Variants in SPMIP6 observed in about 807,000 individuals in gnomAD.
SPMIP6 encodes sperm microtubule inner protein 6.
chr9:34,380,180 T>C, the SPMIP6 span, among the ~76,000 whole-genome samples: 8 of 152,242 alleles, frequency 5.3e-5, no homozygotes, highest in African/African-American at 1.9e-4. Context: ...GGGGGATCAC[T>C]ATGGACCCCC....
the SPMIP6 span, among the ~76,000 whole-genome samples, chr9:34,388,924 C>T: frequency 6.9e-5 from 8 of 115,656 alleles, no homozygotes; most frequent in African/African-American, 2.6e-4. Context: ...TTTCTTTCCT[C>T]TCTCTTTCTT....
the SPMIP6 span, chr9:34,381,052 G>A: frequency 1.2e-6 from 2 of 1,611,826 alleles, no homozygotes; most frequent in East Asian, 2.2e-5. This position sits in a 1 kb window ranked among gnomAD's most constrained non-coding sequence, Gnocchi z 4.4. Flanking sequence ...GCGGGTCCAC[G>A]CACCCGCATC....
chr9:34,380,401 G>C, the SPMIP6 span, among the ~76,000 whole-genome samples: 1 of 152,168 alleles, frequency 6.6e-6, no homozygotes, highest in Admixed American at 6.5e-5. Context: ...ACCATTTCCC[G>C]GCTCACGTAG....
chr9:34,380,134 C>T, the SPMIP6 span, among the ~76,000 whole-genome samples: 8 of 152,284 alleles, frequency 5.3e-5, no homozygotes, highest in African/African-American at 1.9e-4. Context: ...CTCAGTCTTG[C>T]ACAATGAATC....
the SPMIP6 span, chr9:34,379,729 A>C: frequency 8.1e-6 from 13 of 1,613,492 alleles, no homozygotes; most frequent in South Asian, 1.3e-4. The surrounding 1 kb of genome is among the most constrained non-coding windows in gnomAD (Gnocchi z 4.2). Flanking sequence ...AGGGAGGTAC[A>C]CATCTGGAGA....
the SPMIP6 span, chr9:34,381,323 A>C: frequency 6.2e-7 from 1 of 1,609,174 alleles, no homozygotes; most frequent in Non-Finnish European, 8.5e-7. This position sits in a 1 kb window ranked among gnomAD's most constrained non-coding sequence, Gnocchi z 4.4. Flanking sequence ...GGCCTTCCCC[A>C]ACCCTCTCCA....
chr9:34,381,059 C>T, the SPMIP6 span: 9 of 1,611,844 alleles, frequency 5.6e-6, no homozygotes, highest in Non-Finnish European at 5.9e-6. The surrounding 1 kb of genome is among the most constrained non-coding windows in gnomAD (Gnocchi z 4.4). Flanking sequence ...CACGCACCCG[C>T]ATCGGGGCGT....
At chr9:34,386,812 C>T in the SPMIP6 span, among the ~76,000 whole-genome samples, 4 of 152,156 alleles carry the variant, frequency 2.6e-5, no homozygotes, top group Non-Finnish European at 5.9e-5. Context: ...AGATCTGTGA[C>T]GCCTGGATCA....
the SPMIP6 span, among the ~76,000 whole-genome samples, chr9:34,386,756 C>A: frequency 1.3e-5 from 2 of 152,150 alleles, no homozygotes; most frequent in Non-Finnish European, 1.5e-5. Flanking sequence ...GGCCCCTGTG[C>A]TTTTTGGGGT....
At chr9:34,386,625 C>T in the SPMIP6 span, among the ~76,000 whole-genome samples, 1 of 152,022 alleles carries the variant, frequency 6.6e-6, no homozygotes, top group East Asian at 1.9e-4. Flanking sequence ...CTGACTGCAA[C>T]CTGGCCCTGA....
the SPMIP6 span, among the ~76,000 whole-genome samples, chr9:34,389,402 A>G: frequency 6.6e-6 from 1 of 152,196 alleles, no homozygotes; most frequent in African/African-American, 2.4e-5. Flanking sequence ...TGGATAACTC[A>G]TCTTCTTTAA....
chr9:34,387,721 T>C, the SPMIP6 span, among the ~76,000 whole-genome samples: 1 of 152,236 alleles, frequency 6.6e-6, no homozygotes, highest in African/African-American at 2.4e-5. Flanking sequence ...TCTGCTCCTG[T>C]TGATAAGTAG....
At chr9:34,386,491 G>T in the SPMIP6 span, among the ~76,000 whole-genome samples, 1 of 151,756 alleles carries the variant, frequency 6.6e-6, no homozygotes, top group Non-Finnish European at 1.5e-5. Flanking sequence ...CTACTCGGGA[G>T]GCTGAGGCAG....
At chr9:34,386,276 C>G in the SPMIP6 span, among the ~76,000 whole-genome samples, 9 of 152,070 alleles carry the variant, frequency 5.9e-5, no homozygotes, top group African/African-American at 2.2e-4. Flanking sequence ...AAATGAAGGA[C>G]AGTGCTGGAG....
the SPMIP6 span, among the ~76,000 whole-genome samples, chr9:34,387,029 GA>G: frequency 7.9e-5 from 10 of 126,312 alleles, no homozygotes; most frequent in African/African-American, 1.2e-4. Context: ...TGATCCTTAT[GA>G]TTTTTTTTTT....
the SPMIP6 span, among the ~76,000 whole-genome samples, chr9:34,386,423 G>T: frequency 0.037 from 5,690 of 151,832 alleles, 372 homozygotes; most frequent in African/African-American, 0.13. Context: ...GTGAAATCCC[G>T]TCTCTACTAA....
At chr9:34,397,747 G>T in the SPMIP6 span, 1 of 1,094,460 alleles carries the variant, frequency 9.1e-7, no homozygotes, top group Non-Finnish European at 1.3e-6. Context: ...GGTGCCCTTA[G>T]CTGCTATAAT....
the SPMIP6 span, chr9:34,380,859 G>T: frequency 6.5e-7 from 1 of 1,534,324 alleles, no homozygotes; most frequent in Non-Finnish European, 8.7e-7. Context: ...GGCTTGTGTG[G>T]GGTGGAGCCC....
At chr9:34,382,467 C>T in the SPMIP6 span, among the ~76,000 whole-genome samples, 3 of 152,148 alleles carry the variant, frequency 2.0e-5, no homozygotes, top group Admixed American at 2.0e-4. Context: ...TGCCTGTAAT[C>T]CCAGCTGCTC....
Sources: allele counts gnomAD v4.1 joint callset (sites outside exome capture counted in the v4.1 genomes callset), GRCh38; gene constraint gnomAD v4.1.1; non-coding constraint Gnocchi (gnomAD v3.1); transcripts MANE v1.5; gene names NCBI Gene and HGNC (gene_info 2026-07-23, HGNC 2026-07-21).